Variants in AGAP1 observed in about 807,000 individuals in gnomAD.
AGAP1 encodes ArfGAP with GTPase domain, ankyrin repeat and PH domain 1.
A neutral mutation model predicts 105.3 loss-of-function variants in AGAP1; 29 were observed. That is an observed-to-expected ratio of 0.28 (90% CI 0.21 to 0.38). The LOEUF is 0.38. Among genes scored for constraint, AGAP1 ranks in the 10% least tolerant of loss-of-function variants. The pLI is 1.00. For missense variants in AGAP1, 998 were observed against 1,165.1 expected, an observed-to-expected ratio of 0.86 and a Z score of 2.09; for synonymous variants, 509 against 485.9, an observed-to-expected ratio of 1.05 and a Z score of -0.63.
In AGAP1 at chr2:236,125,570, C is replaced by CCG. The variant is rs1160088870; in HGVS notation, c.*1448_*1449insCG. 2 of 152,160 alleles carry CCG rather than the reference C, an allele frequency of 1.3e-5. No homozygotes were observed. The highest frequency in any genetic ancestry group is 2.9e-5 in the Non-Finnish European group (2 of 68,026). The allele number at this position is 152,160 out of a possible 1,614,324, so 9.4% of individuals were successfully genotyped here. On this transcript the variant is annotated 3_prime_UTR_variant, in exon 18 of 18. Coordinates refer to ENST00000304032, the MANE Select transcript of AGAP1 (RefSeq NM_001037131.3). This position sits in a 1 kb window ranked among gnomAD's most constrained non-coding sequence, Gnocchi z 5.2. ...TGATTTAGATCGGATACGGCTTTTG[C>CCG]TAACCAAGGACCAAGGGACTCTGGC...
chr2:235,775,338 G>A (rs1327484694), intron 6 of AGAP1, among the ~76,000 whole-genome samples: 1 of 152,184 alleles, frequency 6.6e-6, no homozygotes, highest in Non-Finnish European at 1.5e-5. Context: ...AAGAATTCCT[G>A]TGAGATCATT....
chr2:235,692,033 G>C lies in AGAP1; in HGVS notation c.164-17146G>C, dbSNP rs1949757056. On this transcript the variant is annotated intron_variant, in intron 1 of 17. Coordinates refer to ENST00000304032, the MANE Select transcript of AGAP1 (RefSeq NM_001037131.3). This position sits in a 1 kb window ranked among gnomAD's most constrained non-coding sequence, Gnocchi z 5.8. ...TGGTAAGACAGAGCCAGTTAACAAAGACTATAAAGTTTTCTCAAGAGGATG... is the reference window on the plus strand; with the variant it reads ...TGGTAAGACAGAGCCAGTTAACAAACACTATAAAGTTTTCTCAAGAGGATG... 6.6e-6 allele frequency among the ~76,000 whole-genome samples: 1 copy of C among 152,172 alleles called. No individual in the cohort carries two copies. The highest frequency in any genetic ancestry group is 1.5e-5 in the Non-Finnish European group (1 of 68,020).
At chr2:235,624,169 T>C (rs902473437) in intron 1 of AGAP1, among the ~76,000 whole-genome samples, 5 of 152,220 alleles carry the variant, frequency 3.3e-5, no homozygotes, top group African/African-American at 1.2e-4. Context: ...GTTCAAATAC[T>C]AAAAACTGGA....
chr2:236,106,951 C>T (rs1452392662), intron 16 of AGAP1, among the ~76,000 whole-genome samples: 1 of 152,122 alleles, frequency 6.6e-6, no homozygotes, highest in African/African-American at 2.4e-5. Context: ...ACAGATGTGT[C>T]AACGTGGGAA....
intron 1 of AGAP1, among the ~76,000 whole-genome samples, chr2:235,524,825 C>G (rs1356057645): frequency 6.6e-6 from 1 of 152,182 alleles, no homozygotes; most frequent in African/African-American, 2.4e-5. Context: ...GAGAGAAACT[C>G]TTCAGTGAAC....
chr2:235,567,635 C>T (rs1259708363), intron 1 of AGAP1, among the ~76,000 whole-genome samples: 1 of 151,818 alleles, frequency 6.6e-6, no homozygotes, highest in Non-Finnish European at 1.5e-5. Flanking sequence ...CAGCCGGTCG[C>T]ATACTGTGGG....
Position 235,720,916 on chromosome 2 carries a change from T to C in AGAP1, c.310+3272T>C, listed in dbSNP as rs527977776. On this transcript the variant is annotated intron_variant, in intron 3 of 17. Transcript: ENST00000304032. The surrounding 1 kb of genome is among the most constrained non-coding windows in gnomAD (Gnocchi z 5.0). ...TTTAGCTCCATCCCAGAGGGTAATA[T>C]CTGCTGTCTTTTCGTTGTATGATGC... Among the ~76,000 whole-genome samples, 1 of 152,348 alleles carries C rather than the reference T, an allele frequency of 6.6e-6. No homozygotes were observed. Among genetic ancestry groups the C allele is most frequent in the East Asian group, 1.9e-4 (1 of 5,180 alleles).
intron 6 of AGAP1, among the ~76,000 whole-genome samples, chr2:235,771,115 T>C (rs1955409121): frequency 6.6e-6 from 1 of 152,198 alleles, no homozygotes; most frequent in Non-Finnish European, 1.5e-5. Flanking sequence ...ACCTGTAGTC[T>C]CTGGGTCCGG....
chr2:236,031,374 G>A (rs1284374890), intron 13 of AGAP1, among the ~76,000 whole-genome samples: 1 of 152,160 alleles, frequency 6.6e-6, no homozygotes, highest in Non-Finnish European at 1.5e-5. Context: ...GGCACGCCAC[G>A]GGCACCCCTC....
In AGAP1 at chr2:236,114,936, T is replaced by C. The variant is rs988021682; in HGVS notation, c.2115-5256T>C. Among the ~76,000 whole-genome samples the C allele has an allele frequency of 6.6e-6, 1 of 152,112 alleles. No homozygotes were observed. Among genetic ancestry groups the C allele is most frequent in the African/African-American group, 2.4e-5 (1 of 41,420 alleles). On this transcript the variant is annotated intron_variant, in intron 16 of 17. Coordinates refer to ENST00000304032, the MANE Select transcript of AGAP1 (RefSeq NM_001037131.3). The surrounding 1 kb of genome is among the most constrained non-coding windows in gnomAD (Gnocchi z 5.0). The stretch of plus-strand genomic sequence containing the variant: ...GGTCATTTAAACCAGCCAGACTCCT[T>C]CTTACCCCAGAGTCTCAGGATCCTC...
intron 1 of AGAP1, among the ~76,000 whole-genome samples, chr2:235,654,918 CA>C (rs927932744): frequency 1.3e-5 from 2 of 152,174 alleles, no homozygotes; most frequent in African/African-American, 4.8e-5. Flanking sequence ...AGTATGTTTT[CA>C]ATCCCTGTGT....
Position 235,569,885 on chromosome 2 carries a change from T to G in AGAP1, c.163+75036T>G, listed in dbSNP as rs558087358. ...CCGATTGCTGGTCTCTTTACTTGTT[T>G]AGTGAAAACAGCAAAAATTTAGAAT... On this transcript the variant is annotated intron_variant, in intron 1 of 17. Transcript: ENST00000304032. This position sits in a 1 kb window ranked among gnomAD's most constrained non-coding sequence, Gnocchi z 5.9. Among the ~76,000 whole-genome samples, 33 of 152,330 alleles carry G rather than the reference T, an allele frequency of 2.2e-4. No homozygotes were observed. Among genetic ancestry groups the G allele is most frequent in the African/African-American group, 7.9e-4 (33 of 41,582 alleles).
rs185848027 is a variant in AGAP1, at chr2:235,931,303, C to T, written c.1483+380C>T. Among the ~76,000 whole-genome samples, 31 of 152,314 alleles carry T rather than the reference C, an allele frequency of 2.0e-4. No individual in the cohort carries two copies. The highest frequency in any genetic ancestry group is 6.7e-4 in the African/African-American group (28 of 41,578). ...TGCCCTACGTGGCGTGGCCCACACT[C>T]TTCCACCACTAGTGCACATTTTATA... On this transcript the variant is annotated intron_variant, in intron 12 of 17. Coordinates refer to ENST00000304032, the MANE Select transcript of AGAP1 (RefSeq NM_001037131.3). The surrounding 1 kb of genome is among the most constrained non-coding windows in gnomAD (Gnocchi z 5.6).
intron 14 of AGAP1, chr2:236,037,310 C>A (rs1192736826): frequency 6.6e-6 from 1 of 151,960 alleles, no homozygotes; most frequent in East Asian, 1.9e-4. Flanking sequence ...CAGAAAACGC[C>A]ACCCCCAAAT....
chr2:235,573,662 A>T (rs2149171329), intron 1 of AGAP1, among the ~76,000 whole-genome samples: 1 of 152,366 alleles, frequency 6.6e-6, no homozygotes, highest in South Asian at 2.1e-4. Context: ...AACACTGCTG[A>T]CACTGGAGGA....
rs1945701095 is a variant in AGAP1, at chr2:235,600,722, G to A, written c.163+105873G>A. On this transcript the variant is annotated intron_variant, in intron 1 of 17. Transcript: ENST00000304032. The surrounding 1 kb of genome is among the most constrained non-coding windows in gnomAD (Gnocchi z 4.8). ...CTTGCCTGTTCATGTTTTTCTGCCT[G>A]CTTTATATTTGCTGGCAGCTGATTA... is the stretch of plus-strand genomic sequence containing the variant. 6.6e-6 allele frequency among the ~76,000 whole-genome samples: 1 copy of A among 152,162 alleles called. No homozygotes were observed. The highest frequency in any genetic ancestry group is 2.1e-4 in the South Asian group (1 of 4,822).
intron 3 of AGAP1, among the ~76,000 whole-genome samples, chr2:235,731,005 CATGA>C (rs1462037580): frequency 1.3e-5 from 2 of 152,174 alleles, no homozygotes. Flanking sequence ...CCTTGTCTTA[CATGA>C]GTCAGTTTCC....
rs535207590 is a variant in AGAP1 at position 235,662,274 on chromosome 2, C to T, written c.164-46905C>T. 2.8e-4 allele frequency among the ~76,000 whole-genome samples: 43 copies of T among 152,244 alleles called. No individual in the cohort carries two copies. The highest frequency in any genetic ancestry group is 6.3e-4 in the African/African-American group (26 of 41,536). On this transcript the variant is annotated intron_variant, in intron 1 of 17. Transcript: ENST00000304032. The surrounding 1 kb of genome is among the most constrained non-coding windows in gnomAD (Gnocchi z 4.2). ...GGTAGTCACATCTTAACTTGTGGCG[C>T]GGCTTTAGAGAGTGTCTGTGCAGGC...
Position 235,744,246 on chromosome 2 carries a change from G to A in AGAP1, c.397-452G>A, listed in dbSNP as rs144234472. 2.3e-3 allele frequency among the ~76,000 whole-genome samples: 351 copies of A among 152,314 alleles called. 3 individuals are homozygous for A. Among genetic ancestry groups the A allele is most frequent in the African/African-American group, 8.2e-3 (339 of 41,576 alleles). On this transcript the variant is annotated intron_variant, in intron 4 of 17. Coordinates refer to ENST00000304032, the MANE Select transcript of AGAP1 (RefSeq NM_001037131.3). This position sits in a 1 kb window ranked among gnomAD's most constrained non-coding sequence, Gnocchi z 5.2. Reference sequence around the variant, plus strand: ...CGAGTGGGAAGGACTGAGGGGTGGGGAGGTTCTGAGCAGGCATGAGGGGTC... The same window carrying A: ...CGAGTGGGAAGGACTGAGGGGTGGGAAGGTTCTGAGCAGGCATGAGGGGTC...
Sources: gnomAD v4.1 joint callset for allele counts (sites outside exome capture counted in the v4.1 genomes callset) on GRCh38, gnomAD v4.1.1 for gene constraint, Gnocchi (gnomAD v3.1) non-coding constraint, MANE v1.5 for transcripts, NCBI Gene and HGNC (gene_info 2026-07-23, HGNC 2026-07-21) for gene names.